Variants in RARG observed in about 807,000 individuals in gnomAD.
The protein encoded by RARG is RAR-gamma.
In RARG, 17 loss-of-function variants were observed where a neutral mutation model predicts 43.7. That is an observed-to-expected ratio of 0.39 (90% CI 0.27 to 0.58). The LOEUF is 0.58. Ranked by LOEUF, RARG falls within the 20% of genes least tolerant of loss-of-function variation. The pLI is 0.57. For missense variants in RARG, 346 were observed against 598.7 expected (o/e 0.58, Z 4.40); for synonymous variants, 238 against 236.4 (o/e 1.01, Z -0.06).
intron 3 of RARG, among the ~76,000 whole-genome samples, chr12:53,221,249 T>C (rs1275036272): frequency 6.7e-6 from 1 of 148,230 alleles, no homozygotes; most frequent in Non-Finnish European, 1.5e-5. Flanking sequence ...TCCCTCCGAG[T>C]CCCCGAAGCC....
chr12:53,232,102 C>A lies in RARG; in HGVS notation c.-338G>T, dbSNP rs974841782. On this transcript the variant is annotated 5_prime_UTR_variant, in exon 1 of 10. Coordinates refer to ENST00000425354, the MANE Select transcript of RARG (RefSeq NM_000966.6). The stretch of plus-strand genomic sequence containing the variant: ...GCTCCTGGGGGGGCACGGCTCTAGG[C>A]TGGGACTGTCCCGGGGCCTCTCGGA... 7.8e-5 allele frequency: 31 copies of A among 398,734 alleles called. 1 individual carries two copies. Among genetic ancestry groups the A allele is most frequent in the African/African-American group, 5.9e-4 (29 of 48,756 alleles). 24.7% of individuals were successfully genotyped at this position (398,734 alleles called of 1,614,324 possible). A position where few individuals can be genotyped will look rare whatever the true frequency, so the allele number is the denominator to read the frequency against.
At position 53,219,873 on chromosome 12, in the gene RARG, C is replaced by T. The variant is rs946478833; in HGVS notation, c.185-4079G>A. On this transcript the variant is annotated intron_variant, in intron 3 of 9. Transcript: ENST00000425354. ...AGAAGCTCCTCCTTGCACCTCAGTTCCACTCTTTACACACGGAAAGAGTAA... is the reference window on the plus strand; with the variant it reads ...AGAAGCTCCTCCTTGCACCTCAGTTTCACTCTTTACACACGGAAAGAGTAA... 26 of 1,327,668 alleles carry T rather than the reference C, an allele frequency of 2.0e-5. No individual in the cohort carries two copies. The African/African-American group carries it at 3.9e-4, about 20-fold the overall frequency. 82.2% of individuals were successfully genotyped at this position (1,327,668 alleles called of 1,614,324 possible).
chr12:53,231,020 G>A (rs568493093), intron 2 of RARG, 149 bp downstream of exon 2: 5 of 152,326 alleles, frequency 3.3e-5, no homozygotes, highest in African/African-American at 1.2e-4. Context: ...CTGACCCTAA[G>A]GGCAGAAGCC....
intron 3 of RARG, among the ~76,000 whole-genome samples, chr12:53,223,326 C>T (rs977424573): frequency 1.5e-4 from 7 of 48,048 alleles, no homozygotes; most frequent in African/African-American, 6.5e-4. Flanking sequence ...GGAGTCCCAC[C>T]TGAAGGGCAA....
At chr12:53,226,088 T>A (rs1338902559) in intron 3 of RARG, among the ~76,000 whole-genome samples, 1 of 152,186 alleles carries the variant, frequency 6.6e-6, no homozygotes, top group Non-Finnish European at 1.5e-5. Context: ...AGGATTTCTT[T>A]CCCCTTTTTG....
intron 3 of RARG, chr12:53,219,805 G>A (rs1942897913): frequency 1.4e-6 from 1 of 696,662 alleles, no homozygotes; most frequent in Non-Finnish European, 2.2e-6. Context: ...GAGACGCTGA[G>A]GCCCCCACGT....
At chr12:53,221,804 T>C (rs1232144710) in intron 3 of RARG, among the ~76,000 whole-genome samples, 2 of 148,760 alleles carry the variant, frequency 1.3e-5, no homozygotes, top group Non-Finnish European at 3.0e-5. Context: ...TCAGCGCCGC[T>C]CACACGGGCA....
rs746198932 is a variant in RARG at position 53,227,652 on chromosome 12, G to A, written c.-107C>T. 4.3e-5 allele frequency: 58 copies of A among 1,342,826 alleles called. No homozygotes were observed. The highest frequency in any genetic ancestry group is 4.8e-5 in the Non-Finnish European group (50 of 1,048,420). The allele number at this position is 1,342,826 out of a possible 1,614,324, so 83.2% of individuals were successfully genotyped here. On this transcript the variant is annotated 5_prime_UTR_variant, in exon 3 of 10. Coordinates refer to ENST00000425354, the MANE Select transcript of RARG (RefSeq NM_000966.6). This position sits in a 1 kb window ranked among gnomAD's most constrained non-coding sequence, Gnocchi z 4.3. The stretch of plus-strand genomic sequence containing the variant: ...CCCCAGCCTGGGAGGCTCCGTACCC[G>A]CCCTGCCTGGCCTGCCCACTGGGCC...
chr12:53,225,614 G>A (rs750327380), intron 3 of RARG, among the ~76,000 whole-genome samples: 3 of 152,146 alleles, frequency 2.0e-5, no homozygotes, highest in Non-Finnish European at 4.4e-5. Context: ...TTATCTTTTT[G>A]TCTTTTTCTC....
rs1294883472 is a variant in RARG at position 53,227,824 on chromosome 12, G to C, written c.-142-137C>G. 4 of 586,352 alleles carry C rather than the reference G, an allele frequency of 6.8e-6. No homozygotes were observed. In the South Asian group the frequency reaches 2.2e-4, roughly 32 times the overall value. 36.3% of individuals were successfully genotyped at this position (586,352 alleles called of 1,614,324 possible). Reference sequence around the variant, plus strand: ...CCTGCCCTGGCTCAGGGCCCTTGCAGTGTGGTAGAGAGGGCACGGCAGGGG... The same window carrying C: ...CCTGCCCTGGCTCAGGGCCCTTGCACTGTGGTAGAGAGGGCACGGCAGGGG... On this transcript the variant is annotated intron_variant, in intron 2 of 9. Transcript: ENST00000425354. This position sits in a 1 kb window ranked among gnomAD's most constrained non-coding sequence, Gnocchi z 4.3.
In RARG at chr12:53,215,324, C is replaced by T; in HGVS notation, c.444G>A (p.Gln148=). 1 of 1,614,150 alleles carries T rather than the reference C, an allele frequency of 6.2e-7. No individual in the cohort carries two copies. The highest frequency in any genetic ancestry group is 1.1e-5 in the South Asian group (1 of 91,084). Reference sequence around the variant, plus strand: ...TGGACATGCCCACTTCGAAGCACTTCTGTAGCCGGCAGTACTGGCAGCGAT... The same window carrying T: ...TGGACATGCCCACTTCGAAGCACTTTTGTAGCCGGCAGTACTGGCAGCGAT... ...TRNRCQYCRL[Q]KCFEVGMSKE... Residue 148 remains glutamine, a synonymous_variant, in exon 5 of 10, where the codon CAG becomes CAA. Coordinates refer to ENST00000425354, the MANE Select transcript of RARG (RefSeq NM_000966.6). The surrounding 1 kb of genome is among the most constrained non-coding windows in gnomAD (Gnocchi z 6.4).
intron 3 of RARG, among the ~76,000 whole-genome samples, chr12:53,224,582 C>T (rs914708113): frequency 1.3e-5 from 2 of 152,130 alleles, no homozygotes; most frequent in Admixed American, 6.5e-5. Flanking sequence ...CCTTCTGCTA[C>T]TCTCCCACTC....
Position 53,230,612 on chromosome 12 carries a change from C to T in RARG, c.-143+557G>A, listed in dbSNP as rs1011742876. 9.2e-5 allele frequency among the ~76,000 whole-genome samples: 14 copies of T among 152,192 alleles called. No homozygotes were observed. The East Asian group carries it at 2.3e-3, about 25-fold the overall frequency. ...CCCTTGAGTCTCCACCTCTCATCCC[C>T]AGGTGCCCTCCCTCCACCCTACTAG... On this transcript the variant is annotated intron_variant, in intron 2 of 9. Transcript: ENST00000425354.
chr12:53,214,722 C>T, intron 5 of RARG, 116 bp from the exon 6 acceptor site: 1 of 1,106,736 alleles, frequency 9.0e-7, no homozygotes, highest in Non-Finnish European at 1.3e-6. Flanking sequence ...TTCTCTGGCA[C>T]TGTAATTACT....
At chr12:53,214,877 G>T (rs564587042) in intron 5 of RARG, 2 of 451,484 alleles carry the variant, frequency 4.4e-6, no homozygotes, top group East Asian at 7.1e-5. Flanking sequence ...GCTGGGGGAG[G>T]GGGGGCAGGA....
Position 53,213,090 on chromosome 12 carries a change from G to A in RARG, c.1172C>T (p.Thr391Ile), listed in dbSNP as rs765615833. The A allele has an allele frequency of 2.2e-5, 36 of 1,612,732 alleles. No homozygotes were observed. Among genetic ancestry groups the A allele is most frequent in the Non-Finnish European group, 1.7e-5 (20 of 1,179,262 alleles). Residue 391 changes from threonine to isoleucine, a missense_variant, in exon 9 of 10, where the codon ACT (threonine) becomes ATT (isoleucine). Physicochemically the swap from Thr to Ile is moderately conservative, Grantham distance 89. Around this residue, in one of 8 missense-constraint regions of RARG, gnomAD observed 20 missense variants for 58.5 expected, o/e 0.34. Transcript: ENST00000425354. The surrounding 1 kb of genome is among the most constrained non-coding windows in gnomAD (Gnocchi z 4.7). ...GACACCCACTCATGACTCACCCTTAGTGCTGATGCCCCGGAGGTCGGTGAT... is the reference window on the plus strand; with the variant it reads ...GACACCCACTCATGACTCACCCTTAATGCTGATGCCCCGGAGGTCGGTGAT... ...MKITDLRGIS[T>I]KGAERAITLK...
At chr12:53,218,259 G>A (rs1268381122) in intron 3 of RARG, among the ~76,000 whole-genome samples, 1 of 152,096 alleles carries the variant, frequency 6.6e-6, no homozygotes, top group Non-Finnish European at 1.5e-5. Flanking sequence ...GAAAGTGTGT[G>A]CGGGCAGGCC....
rs1164968839 is a variant in RARG at position 53,227,303 on chromosome 12, C to G, written c.184+59G>C. 19 of 1,461,570 alleles carry G rather than the reference C, an allele frequency of 1.3e-5. No individual in the cohort carries two copies. The highest frequency in any genetic ancestry group is 1.6e-5 in the Non-Finnish European group (18 of 1,097,192). 90.5% of individuals were successfully genotyped at this position (1,461,570 alleles called of 1,614,324 possible). A position where few individuals can be genotyped will look rare whatever the true frequency, so the allele number is the denominator to read the frequency against. Reference sequence around the variant, plus strand: ...GGGGTGCCAACTCTTTTACCATCCACCCTCCTGATGCCTTCTTGTTAACAT... The same window carrying G: ...GGGGTGCCAACTCTTTTACCATCCAGCCTCCTGATGCCTTCTTGTTAACAT... On this transcript the variant is annotated intron_variant, in intron 3 of 9. Coordinates refer to ENST00000425354, the MANE Select transcript of RARG (RefSeq NM_000966.6). The surrounding 1 kb of genome is among the most constrained non-coding windows in gnomAD (Gnocchi z 4.3).
intron 3 of RARG, among the ~76,000 whole-genome samples, chr12:53,216,167 C>A (rs1282347122): frequency 6.6e-6 from 1 of 152,208 alleles, no homozygotes; most frequent in Non-Finnish European, 1.5e-5. Context: ...TAAAGCCCTG[C>A]AGCTCTGAGC....
Sources: gnomAD v4.1 joint callset for allele counts (sites outside exome capture counted in the v4.1 genomes callset) on GRCh38, gnomAD v4.1.1 for gene constraint, gnomAD v4.1.1 regional missense constraint, Gnocchi (gnomAD v3.1) non-coding constraint, MANE v1.5 for transcripts, NCBI Gene and HGNC (gene_info 2026-07-23, HGNC 2026-07-21) for gene names.